The following DLGAP1 variants were observed in gnomAD, a reference collection of about 807,000 sequenced individuals.
DLGAP1 encodes the protein disks large-associated protein 1.
Under a neutral mutation model 90.8 loss-of-function variants are expected in DLGAP1, and 11 were observed. That is an observed-to-expected ratio of 0.12 (90% confidence interval 0.08 to 0.20). The LOEUF (loss-of-function observed/expected upper bound fraction) is 0.20. DLGAP1 is among the 10% of genes least tolerant of loss of function. The probability of loss-of-function intolerance (pLI) is 1.00; values close to 1 mark genes in which losing one functional copy is unlikely to be tolerated. For synonymous variants in DLGAP1, 558 were observed against 540.7 expected (o/e 1.03, Z -0.44); for missense variants, 1,050 against 1,333.8 (o/e 0.79, Z 3.31).
chr18:3,667,227 G>A (rs1257674712), intron 7 of DLGAP1, among the ~76,000 whole-genome samples: 9 of 151,902 alleles, frequency 5.9e-5, no homozygotes, highest in Non-Finnish European at 1.3e-4. Context: ...ACAGACATGC[G>A]CCACCACCAC....
At chr18:3,601,105 G>C (rs1312820336) in intron 7 of DLGAP1, among the ~76,000 whole-genome samples, 1 of 150,470 alleles carries the variant, frequency 6.6e-6, no homozygotes, top group East Asian at 1.9e-4. Context: ...TATATTTTTT[G>C]AGACAGAGTC....
At chr18:4,375,206 T>C (rs2081991136) in intron 1 of DLGAP1, among the ~76,000 whole-genome samples, 1 of 152,060 alleles carries the variant, frequency 6.6e-6, no homozygotes, top group South Asian at 2.1e-4. Context: ...CACCTAAGAG[T>C]TCCAAATGTG....
chr18:3,602,085 C>T (rs1311751943), intron 7 of DLGAP1, among the ~76,000 whole-genome samples: 1 of 152,122 alleles, frequency 6.6e-6, no homozygotes, highest in Non-Finnish European at 1.5e-5. Flanking sequence ...AGGGTGGCAG[C>T]TCCGTGCTAT....
At chr18:4,384,423 C>G (rs1267319001) in intron 1 of DLGAP1, among the ~76,000 whole-genome samples, 2 of 152,254 alleles carry the variant, frequency 1.3e-5, no homozygotes, top group South Asian at 4.2e-4. Context: ...GTGGAACCAT[C>G]CAGTCCACTT....
At chr18:4,178,226 C>G (rs2077147726) in intron 1 of DLGAP1, among the ~76,000 whole-genome samples, 1 of 150,822 alleles carries the variant, frequency 6.6e-6, no homozygotes, top group Non-Finnish European at 1.5e-5. Flanking sequence ...CACACACACA[C>G]ACACACACAC....
intron 4 of DLGAP1, among the ~76,000 whole-genome samples, chr18:3,825,297 C>T (rs2067650032): frequency 6.6e-6 from 1 of 152,208 alleles, no homozygotes; most frequent in Admixed American, 6.5e-5. Context: ...AGTATTCATT[C>T]ACTTGTTCAA....
chr18:3,769,976 C>G (rs1304674675), intron 5 of DLGAP1: 1 of 152,010 alleles, frequency 6.6e-6, no homozygotes, highest in Non-Finnish European at 1.5e-5. Context: ...AAAATCCCAC[C>G]TTCAGACAAT....
intron 5 of DLGAP1, among the ~76,000 whole-genome samples, chr18:3,772,609 T>A (rs1371773105): frequency 6.6e-6 from 1 of 151,606 alleles, no homozygotes; most frequent in Non-Finnish European, 1.5e-5. Context: ...TACATTCATG[T>A]GATCATTTTG....
intron 7 of DLGAP1, chr18:3,606,639 A>G (rs2057340859): frequency 6.6e-6 from 1 of 152,214 alleles, no homozygotes; most frequent in Admixed American, 6.5e-5. Flanking sequence ...CCAAATTACT[A>G]TGTATGTGAG....
Position 3,738,756 on chromosome 18 carries a change from A to C in DLGAP1, c.1350+3579T>G, listed in dbSNP as rs530872205. Among the ~76,000 whole-genome samples, 21 of 130,058 alleles carry C rather than the reference A, an allele frequency of 1.6e-4. No homozygotes were observed. The South Asian group carries it at 4.9e-3, about 30-fold the overall frequency. The allele number at this position is 130,058 out of a possible 152,430, so 85.3% of individuals were successfully genotyped here. Reference sequence around the variant, plus strand: ...TAAAACACCAAAAGCAATGGCAACAAAAGACAAAATTGACAAATGGGATCT... The same window carrying C: ...TAAAACACCAAAAGCAATGGCAACACAAGACAAAATTGACAAATGGGATCT... On this transcript the variant is annotated intron_variant, in intron 6 of 12. Transcript: ENST00000315677.
At chr18:3,835,747 T>A (rs1364158443) in intron 4 of DLGAP1, among the ~76,000 whole-genome samples, 2 of 151,920 alleles carry the variant, frequency 1.3e-5, no homozygotes. Flanking sequence ...GCATCCCACA[T>A]AAGTTTCATT....
intron 3 of DLGAP1, among the ~76,000 whole-genome samples, chr18:3,966,006 G>A (rs1282326849): frequency 1.3e-5 from 2 of 149,752 alleles, no homozygotes; most frequent in Non-Finnish European, 3.0e-5. Context: ...CCTGCTTGGA[G>A]TTAACAATGT....
intron 5 of DLGAP1, among the ~76,000 whole-genome samples, chr18:3,782,392 C>T (rs563989969): frequency 1.3e-5 from 2 of 152,238 alleles, no homozygotes; most frequent in Middle Eastern, 3.2e-3. Flanking sequence ...CTGTCTTGGC[C>T]TCCCAAAGTG....
intron 7 of DLGAP1, among the ~76,000 whole-genome samples, chr18:3,713,927 G>A (rs1323788283): frequency 6.6e-6 from 1 of 152,122 alleles, no homozygotes; most frequent in Non-Finnish European, 1.5e-5. Context: ...CAGCCAAGTG[G>A]GGACACTGTC....
intron 1 of DLGAP1, among the ~76,000 whole-genome samples, chr18:4,360,952 A>G (rs2081618091): frequency 6.6e-6 from 1 of 152,032 alleles, no homozygotes; most frequent in Non-Finnish European, 1.5e-5. Context: ...GTAAGATTCT[A>G]CGTCAAAAAA....
chr18:4,175,184 C>A (rs1233579007), intron 1 of DLGAP1, among the ~76,000 whole-genome samples: 1 of 152,142 alleles, frequency 6.6e-6, no homozygotes, highest in Non-Finnish European at 1.5e-5. Context: ...TGATGATGAG[C>A]TTTTTTTCAT....
chr18:3,837,849 CAAAAAAAAAAAAAAA>C (rs5822770), intron 4 of DLGAP1, among the ~76,000 whole-genome samples: 4 of 26,798 alleles, frequency 1.5e-4, no homozygotes, highest in Non-Finnish European at 2.5e-4. Context: ...GAGATTCTGT[CAAAAAAAAAAAAAAA>C]AAAAAAAAAA....
intron 3 of DLGAP1, among the ~76,000 whole-genome samples, chr18:3,924,721 C>G (rs2072343390): frequency 2.0e-5 from 3 of 152,088 alleles, no homozygotes; most frequent in African/African-American, 7.2e-5. Context: ...AATATAGTTA[C>G]TTTTTCCAAG....
At chr18:3,629,552 G>A (rs571205354) in intron 7 of DLGAP1, among the ~76,000 whole-genome samples, 79 of 151,706 alleles carry the variant, frequency 5.2e-4, no homozygotes, top group Non-Finnish European at 9.4e-4. Flanking sequence ...GGCGCCTGTA[G>A]TCCCAGCTAC....
Sources: allele counts gnomAD v4.1 joint callset (sites outside exome capture counted in the v4.1 genomes callset), GRCh38; gene constraint gnomAD v4.1.1; transcripts MANE v1.5; gene names NCBI Gene and HGNC (gene_info 2026-07-23, HGNC 2026-07-21).